Variants in DYNLT5 observed in about 807,000 individuals in gnomAD.
The protein encoded by DYNLT5 is dynein light chain Tctex-type family member 5.
In DYNLT5, 25 loss-of-function variants were observed where a neutral mutation model predicts 19.3. That is an observed-to-expected ratio of 1.30 (90% confidence interval 0.95 to 1.81). The LOEUF (loss-of-function observed/expected upper bound fraction) is 1.81. Among genes scored for constraint, DYNLT5 ranks in the 40% most tolerant of loss-of-function variants. The pLI is 0.00. For synonymous variants in DYNLT5, 82 were observed against 68.9 expected (o/e 1.19, Z -0.94); for missense variants, 232 against 217.9 (o/e 1.06, Z -0.41).
rs780699709 is a variant in DYNLT5, at chr1:66,776,371, C to G, written c.304C>G (p.Leu102Val). 8 of 1,608,230 alleles carry G rather than the reference C, an allele frequency of 5.0e-6. No homozygotes were observed. The South Asian group carries it at 8.9e-5, about 18-fold the overall frequency. Residue 102 changes from leucine to valine, a missense_variant, in exon 4 of 5, where the codon CTC becomes GTC. Physicochemically the swap from Leu to Val is conservative, Grantham distance 32. Transcript: ENST00000282670. The part of the protein sequence containing the change: ...YLQVEEYEPE[L>V]CRQMTKTISE... ...ACAAGTAGAAGAATATGAACCAGAG[C>G]TCTGTAGACAGATGACTAAAACCAT...
At chr1:66,759,907 C>T (rs1269535448) in intron 2 of DYNLT5, among the ~76,000 whole-genome samples, 1 of 152,142 alleles carries the variant, frequency 6.6e-6, no homozygotes, top group Non-Finnish European at 1.5e-5. Context: ...TCTTCTTTCA[C>T]TCCTTTTCTT....
intron 3 of DYNLT5, among the ~76,000 whole-genome samples, chr1:66,771,641 G>A (rs1645204864): frequency 6.6e-6 from 1 of 152,196 alleles, no homozygotes; most frequent in Non-Finnish European, 1.5e-5. Context: ...GTCATCATTT[G>A]AGTCCTAAAT....
chr1:66,772,140 T>A (rs1008252685), intron 3 of DYNLT5, among the ~76,000 whole-genome samples: 6 of 152,200 alleles, frequency 3.9e-5, no homozygotes, highest in Non-Finnish European at 8.8e-5. Context: ...TATTAGTCCG[T>A]TTTTGCATTG....
At chr1:66,755,945 AC>A (rs1572542356) in intron 2 of DYNLT5, among the ~76,000 whole-genome samples, 1 of 152,204 alleles carries the variant, frequency 6.6e-6, no homozygotes, top group East Asian at 1.9e-4. Context: ...TAAATTACGT[AC>A]CCATGATATT....
intron 2 of DYNLT5, among the ~76,000 whole-genome samples, chr1:66,757,806 T>A (rs547767463): frequency 3.7e-4 from 57 of 152,276 alleles, no homozygotes; most frequent in Admixed American, 2.7e-3. Context: ...GGGGAACAGT[T>A]TTTTTTGCAG....
At chr1:66,766,327 G>A (rs2094655171) in intron 2 of DYNLT5, among the ~76,000 whole-genome samples, 1 of 152,180 alleles carries the variant, frequency 6.6e-6, no homozygotes, top group African/African-American at 2.4e-5. Flanking sequence ...ACCCATCCAT[G>A]TGTAATATTG....
intron 2 of DYNLT5, among the ~76,000 whole-genome samples, chr1:66,760,413 A>G (rs2094643920): frequency 6.6e-6 from 1 of 152,140 alleles, no homozygotes; most frequent in African/African-American, 2.4e-5. Context: ...TCAATTCCTG[A>G]GCAAGCAAGT....
At chr1:66,775,299 C>G (rs1328843186) in intron 3 of DYNLT5, 2 of 152,216 alleles carry the variant, frequency 1.3e-5, no homozygotes, top group Admixed American at 1.3e-4. Context: ...ATGGAGATAA[C>G]AGTGAGATTC....
rs1645251158 is a variant in DYNLT5 at position 66,778,590 on chromosome 1, T to C, written c.*1136T>C. Reference sequence around the variant, plus strand: ...GTACACATATGGAGAAAATTAGCAATGCTGTAGTCTTAAGGAAAAAATGAT... The same window carrying C: ...GTACACATATGGAGAAAATTAGCAACGCTGTAGTCTTAAGGAAAAAATGAT... On this transcript the variant is annotated 3_prime_UTR_variant, in exon 5 of 5. Transcript: ENST00000282670. 1 of 152,628 alleles carries C rather than the reference T, an allele frequency of 6.6e-6. No individual in the cohort carries two copies. Among genetic ancestry groups the C allele is most frequent in the Non-Finnish European group, 1.5e-5 (1 of 68,040 alleles). 9.5% of individuals were successfully genotyped at this position (152,628 alleles called of 1,614,324 possible).
chr1:66,774,714 A>G (rs545508382), intron 3 of DYNLT5, among the ~76,000 whole-genome samples: 17 of 146,278 alleles, frequency 1.2e-4, no homozygotes, highest in African/African-American at 4.2e-4. Flanking sequence ...CCCTCTCCAC[A>G]TGACCCTTCT....
In DYNLT5 at chr1:66,777,561, T is replaced by A. The variant is rs1419259174; in HGVS notation, c.*107T>A. On this transcript the variant is annotated 3_prime_UTR_variant, in exon 5 of 5. Coordinates refer to ENST00000282670, the MANE Select transcript of DYNLT5 (RefSeq NM_152665.3). ...AACTTTGAGAAAGAAACAACACTGA[T>A]ATTTCAAGCAACTGGAAGCTTTTGA... The A allele has an allele frequency of 1.1e-6, 1 of 935,336 alleles. No individual in the cohort carries two copies. Among genetic ancestry groups the A allele is most frequent in the African/African-American group, 1.6e-5 (1 of 60,648 alleles). 57.9% of individuals were successfully genotyped at this position (935,336 alleles called of 1,614,324 possible).
chr1:66,752,505 G>A lies in DYNLT5; in HGVS notation c.-83G>A. 5 of 985,576 alleles carry A rather than the reference G, an allele frequency of 5.1e-6. No individual in the cohort carries two copies. Among genetic ancestry groups the A allele is most frequent in the Non-Finnish European group, 6.0e-6 (5 of 830,036 alleles). The allele number at this position is 985,576 out of a possible 1,614,324, so 61.1% of individuals were successfully genotyped here. ...GGCGGCCGCCGGCTGAATGAAGCCT[G>A]GGACGCGGGAGCCGCGCCGCGCGCA... On this transcript the variant is annotated 5_prime_UTR_variant, in exon 1 of 5. Transcript: ENST00000282670.
At chr1:66,756,553 A>T (rs1049732922) in intron 2 of DYNLT5, among the ~76,000 whole-genome samples, 1 of 152,222 alleles carries the variant, frequency 6.6e-6, no homozygotes, top group African/African-American at 2.4e-5. Flanking sequence ...TGAAAATATA[A>T]ATTTCAATAA....
intron 1 of DYNLT5, among the ~76,000 whole-genome samples, chr1:66,753,932 A>C (rs1572541134): frequency 6.6e-6 from 1 of 151,528 alleles, no homozygotes; most frequent in East Asian, 1.9e-4. Context: ...CCTGGGTAAC[A>C]AGAGCTAGAT....
At chr1:66,763,635 A>G (rs2094649651) in intron 2 of DYNLT5, among the ~76,000 whole-genome samples, 1 of 152,202 alleles carries the variant, frequency 6.6e-6, no homozygotes. Context: ...TATGTTACAG[A>G]GATGGCTTCT....
chr1:66,769,731 G>C (rs940537693), intron 2 of DYNLT5, among the ~76,000 whole-genome samples: 2 of 152,024 alleles, frequency 1.3e-5, no homozygotes, highest in Non-Finnish European at 2.9e-5. Context: ...TCTTTGCTTG[G>C]GTCTCCTGTT....
intron 1 of DYNLT5, among the ~76,000 whole-genome samples, chr1:66,753,927 G>A (rs1405302871): frequency 1.3e-5 from 2 of 151,708 alleles, no homozygotes; most frequent in African/African-American, 4.8e-5. Flanking sequence ...TCCAGCCTGG[G>A]TAACAAGAGC....
rs536554453 is a variant in DYNLT5 at position 66,777,240 on chromosome 1, T to A, written c.337-11T>A. 28 of 1,602,482 alleles carry A rather than the reference T, an allele frequency of 1.7e-5. No homozygotes were observed. In the African/African-American group the frequency reaches 2.5e-4, roughly 15 times the overall value. On this transcript the variant is annotated splice_polypyrimidine_tract_variant and intron_variant, in intron 4 of 4. Coordinates refer to ENST00000282670, the MANE Select transcript of DYNLT5 (RefSeq NM_152665.3). ...GCTGAATGAAGACCCTCCCTTTTTT[T>A]AAATTTCTAGGTTATTAAAGCCCAG...
At chr1:66,758,275 G>A (rs1188279908) in intron 2 of DYNLT5, among the ~76,000 whole-genome samples, 1 of 152,096 alleles carries the variant, frequency 6.6e-6, no homozygotes, top group Non-Finnish European at 1.5e-5. Context: ...CTTTCTTATT[G>A]GAAGCTCAGA....
Sources: allele counts gnomAD v4.1 joint callset (sites outside exome capture counted in the v4.1 genomes callset), GRCh38; gene constraint gnomAD v4.1.1; transcripts MANE v1.5; gene names NCBI Gene and HGNC (gene_info 2026-07-23, HGNC 2026-07-21).